Variants in MAT2B observed in about 807,000 individuals in gnomAD.
The protein encoded by MAT2B is methionine adenosyltransferase 2 non-catalytic beta subunit.
MAT2B carries 16 observed loss-of-function variants against 36.1 expected under a neutral mutation model. The observed-to-expected ratio is 0.44, with a 90% confidence interval of 0.30 to 0.67. The LOEUF (loss-of-function observed/expected upper bound fraction) is 0.67, where lower values mean the gene tolerates loss of function less well. Among genes scored for constraint, MAT2B ranks in the 30% least tolerant of loss-of-function variants. The probability of loss-of-function intolerance (pLI) is 0.09; values close to 1 mark genes in which losing one functional copy is unlikely to be tolerated. For synonymous variants in MAT2B, 148 were observed against 136.9 expected (o/e 1.08, Z -0.57); for missense variants, 332 against 398.2 (o/e 0.83, Z 1.42).
intron 1 of MAT2B, among the ~76,000 whole-genome samples, chr5:163,509,291 T>A (rs1253798046): frequency 6.6e-6 from 1 of 152,210 alleles, no homozygotes; most frequent in Non-Finnish European, 1.5e-5. Flanking sequence ...TATTTCAAGT[T>A]TTCTTTTTTA....
At chr5:163,516,434 A>G (rs1760134224) in intron 4 of MAT2B, 84 bp from the exon 5 acceptor site, 1 of 1,080,342 alleles carries the variant, frequency 9.3e-7, no homozygotes, top group South Asian at 1.5e-5. Context: ...CTACTTTGAT[A>G]TTATTTAAAT....
chr5:163,512,288 A>G (rs960362921), intron 2 of MAT2B, 92 bp downstream of exon 2: 19 of 1,138,210 alleles, frequency 1.7e-5, no homozygotes, highest in East Asian at 2.3e-5. Context: ...GGAAATTACT[A>G]TGTTTGAAAG....
In MAT2B at chr5:163,516,922, C is replaced by T. The variant is rs946942776; in HGVS notation, c.720+211C>T. The T allele has an allele frequency of 1.5e-5, 9 of 595,874 alleles. No homozygotes were observed. In the South Asian group the frequency reaches 1.7e-4, roughly 11 times the overall value. The allele number at this position is 595,874 out of a possible 1,614,324, so 36.9% of individuals were successfully genotyped here. A position where few individuals can be genotyped will look rare whatever the true frequency, so the allele number is the denominator to read the frequency against. On this transcript the variant is annotated intron_variant, in intron 5 of 6. Transcript: ENST00000321757. ...TCTGTTTGAATTTATTTCTTATGTA[C>T]TATAGATCCCATCATTTCTTTTATT...
intron 4 of MAT2B, among the ~76,000 whole-genome samples, chr5:163,515,779 T>TA: frequency 7.6e-6 from 1 of 132,392 alleles, no homozygotes; most frequent in African/African-American, 2.8e-5. Flanking sequence ...TCTTTTTTTT[T>TA]TTTTTTTTTT....
At position 163,518,902 on chromosome 5, in the gene MAT2B, C is replaced by T. The variant is rs1405684930; in HGVS notation, c.*539C>T. The T allele has an allele frequency of 2.0e-5, 3 of 152,660 alleles. No individual in the cohort carries two copies. The highest frequency in any genetic ancestry group is 6.5e-5 in the Admixed American group (1 of 15,286). 9.5% of individuals were successfully genotyped at this position (152,660 alleles called of 1,614,324 possible). On this transcript the variant is annotated 3_prime_UTR_variant, in exon 7 of 7. Coordinates refer to ENST00000321757, the MANE Select transcript of MAT2B (RefSeq NM_013283.5). ...CATGTTATGTATATTGGAACTTCTA[C>T]AGCTTGATGCCTCCTGCTTTTATAG...
In MAT2B at chr5:163,518,254, A is replaced by G. The variant is rs1760163012; in HGVS notation, c.896A>G (p.Lys299Arg). 1.2e-6 allele frequency: 2 copies of G among 1,613,844 alleles called. No individual in the cohort carries two copies. The highest frequency in any genetic ancestry group is 8.5e-7 in the Non-Finnish European group (1 of 1,179,912). Residue 299 changes from lysine to arginine, a missense_variant, in exon 7 of 7, where the codon AAA becomes AGA. Lys to Arg is a conservative substitution (Grantham distance 26). Coordinates refer to ENST00000321757, the MANE Select transcript of MAT2B (RefSeq NM_013283.5). ...RPRNAQLDCS[K>R]LETLGIGQRT... is the part of the protein sequence containing the mutation. ...AGAAATGCTCAGCTTGACTGCTCCAAATTGGAGACCTTGGGCATTGGCCAA... is the reference window on the plus strand; with the variant it reads ...AGAAATGCTCAGCTTGACTGCTCCAGATTGGAGACCTTGGGCATTGGCCAA...
chr5:163,512,612 G>A, intron 2 of MAT2B: 1 of 413,452 alleles, frequency 2.4e-6, no homozygotes, highest in Middle Eastern at 5.5e-4. Flanking sequence ...CATGTTAATT[G>A]CATAAATGAT....
chr5:163,512,940 C>T, intron 2 of MAT2B: 1 of 245,300 alleles, frequency 4.1e-6, no homozygotes, highest in South Asian at 3.9e-5. Flanking sequence ...CTCAGCCTTC[C>T]AAAGTGCTGG....
At position 163,518,495 on chromosome 5, in the gene MAT2B, T is replaced by C; in HGVS notation, c.*132T>C. On this transcript the variant is annotated 3_prime_UTR_variant, in exon 7 of 7. Transcript: ENST00000321757. ...TTAGGATCTTTCAGGTAAATGATGC[T>C]CTTGCACTAGTGAAATTGTCTAAAG... The C allele has an allele frequency of 3.0e-6, 2 of 663,860 alleles. No homozygotes were observed. The highest frequency in any genetic ancestry group is 3.7e-4 in the Middle Eastern group (1 of 2,670). 41.1% of individuals were successfully genotyped at this position (663,860 alleles called of 1,614,324 possible).
At chr5:163,503,360 T>C (rs768117195), upstream of MAT2B, 9 of 1,610,374 alleles carry the variant, frequency 5.6e-6, no homozygotes, top group South Asian at 3.3e-5. Flanking sequence ...CTAAGACCCA[T>C]CCCGTATCTG....
At chr5:163,503,339 G>A (rs1312514176), upstream of MAT2B, 6 of 1,559,886 alleles carry the variant, frequency 3.8e-6, no homozygotes, top group Non-Finnish European at 5.3e-6. Context: ...CCCAGCAAGA[G>A]AAGGCAGAGG....
chr5:163,505,523 T>A (rs1474024757), upstream of MAT2B: 1 of 1,240,966 alleles, frequency 8.1e-7, no homozygotes, highest in Non-Finnish European at 1.0e-6. Flanking sequence ...CGGCGGAGCG[T>A]GGCCAATCAA....
rs926146971 is a variant in MAT2B, at chr5:163,513,735, T to C, written c.373+66T>C. 12 of 1,514,574 alleles carry C rather than the reference T, an allele frequency of 7.9e-6. No homozygotes were observed. In the African/African-American group the frequency reaches 1.5e-4, roughly 19 times the overall value. The allele number at this position is 1,514,574 out of a possible 1,614,324, so 93.8% of individuals were successfully genotyped here. A position where few individuals can be genotyped will look rare whatever the true frequency, so the allele number is the denominator to read the frequency against. On this transcript the variant is annotated intron_variant, in intron 3 of 6. Transcript: ENST00000321757. ...ATTGCTGAGTTTTTAGAAATTAAGG[T>C]TTTGTAGATGGTTATTTGTTTTTAT...
At chr5:163,512,285 A>G in intron 2 of MAT2B, 89 bp downstream of exon 2, 1 of 1,166,538 alleles carries the variant, frequency 8.6e-7, no homozygotes, top group South Asian at 1.2e-5. Flanking sequence ...CAAGGAAATT[A>G]CTATGTTTGA....
Position 163,512,171 on chromosome 5 carries a change from T to G in MAT2B, c.233T>G (p.Val78Gly). 2 of 1,614,028 alleles carry G rather than the reference T, an allele frequency of 1.2e-6. No individual in the cohort carries two copies. The highest frequency in any genetic ancestry group is 2.7e-5 in the African/African-American group (2 of 75,062). Residue 78 changes from valine (V) to glycine (G), a missense_variant, in exon 2 of 7, where the codon GTT becomes GGT. Coordinates refer to ENST00000321757, the MANE Select transcript of MAT2B (RefSeq NM_013283.5). ...GTTAATCTGTTGGATTCTAATGCAG[T>G]TCATCACATCATTCATGATTTTCAG... ...EQVNLLDSNA[V>G]HHIIHDFQPH... is the part of the protein sequence containing the mutation.
In MAT2B at chr5:163,512,017, C is replaced by A; in HGVS notation, c.79C>A (p.Pro27Thr). Reference sequence around the variant, plus strand: ...CACCTTTTAGGAGGAAGTTAACATCCCTAATAGGAGGGTTCTGGTTACTGG... The same window carrying A: ...CACCTTTTAGGAGGAAGTTAACATCACTAATAGGAGGGTTCTGGTTACTGG... Reference protein sequence around the residue: ...CRLVEEEVNIPNRRVLVTGAT... With the variant: ...CRLVEEEVNITNRRVLVTGAT... The change falls in exon 2 of 7, where the codon CCT (proline) becomes ACT (threonine). Residue 27 changes from proline to threonine, a missense_variant. Transcript: ENST00000321757. 2 of 1,612,592 alleles carry A rather than the reference C, an allele frequency of 1.2e-6. No individual in the cohort carries two copies. The highest frequency in any genetic ancestry group is 2.2e-5 in the South Asian group (2 of 90,726).
intron 4 of MAT2B, among the ~76,000 whole-genome samples, chr5:163,514,320 A>G (rs547444537): frequency 1.3e-5 from 2 of 152,218 alleles, no homozygotes; most frequent in African/African-American, 2.4e-5. Context: ...GTATTCTGTT[A>G]TATGTATGTT....
rs66978639 is a variant in MAT2B, at chr5:163,515,770, CTTTTTTTT to C, written c.527-729_527-722del. On this transcript the variant is annotated intron_variant, in intron 4 of 6. Coordinates refer to ENST00000321757, the MANE Select transcript of MAT2B (RefSeq NM_013283.5). ...TTAACAAATGTGGTTTTGCCTTTTTCTTTTTTTTTTTTTTTTTTTTTTTTTTGAGACAG... is the reference window on the plus strand; with the variant it reads ...TTAACAAATGTGGTTTTGCCTTTTTCTTTTTTTTTTTTTTTTTTGAGACAG... 8.2e-4 allele frequency among the ~76,000 whole-genome samples: 57 copies of C among 69,812 alleles called. 1 individual carries two copies. The highest frequency in any genetic ancestry group is 2.2e-3 in the Admixed American group (12 of 5,506). 45.8% of individuals were successfully genotyped at this position (69,812 alleles called of 152,430 possible). A position where few individuals can be genotyped will look rare whatever the true frequency, so the allele number is the denominator to read the frequency against.
In MAT2B at chr5:163,519,283, A is replaced by G. The variant is rs1263043967; in HGVS notation, c.*920A>G. 1.3e-5 allele frequency: 2 copies of G among 151,932 alleles called. No homozygotes were observed. The highest frequency in any genetic ancestry group is 4.8e-5 in the African/African-American group (2 of 41,450). The allele number at this position is 151,932 out of a possible 1,614,324, so 9.4% of individuals were successfully genotyped here. Reference sequence around the variant, plus strand: ...TAACATGTGATACATACAAAAGAATATAGTTTAATATGTATTGAAATAAAA... The same window carrying G: ...TAACATGTGATACATACAAAAGAATGTAGTTTAATATGTATTGAAATAAAA... On this transcript the variant is annotated 3_prime_UTR_variant, in exon 7 of 7. Transcript: ENST00000321757.
Sources: gnomAD v4.1 joint callset for allele counts (sites outside exome capture counted in the v4.1 genomes callset) on GRCh38, gnomAD v4.1.1 for gene constraint, MANE v1.5 for transcripts, NCBI Gene and HGNC (gene_info 2026-07-23, HGNC 2026-07-21) for gene names.